CNTN5: variants seen among roughly 807,000 people sequenced by gnomAD.
CNTN5 encodes the protein contactin-5.
A neutral mutation model predicts 129.1 loss-of-function variants in CNTN5; 77 were observed. That is an observed-to-expected ratio of 0.60 (90% CI 0.50 to 0.72). CNTN5 has a LOEUF of 0.72. Among genes scored for constraint, CNTN5 ranks in the 30% least tolerant of loss-of-function variants. CNTN5 has a pLI of 0.00. For missense variants in CNTN5, 1,478 were observed against 1,328.8 expected (o/e 1.11, Z -1.75); for synonymous variants, 509 against 465.6 (o/e 1.09, Z -1.20).
intron 1 of CNTN5, among the ~76,000 whole-genome samples, chr11:99,070,826 A>G (rs889570684): frequency 6.6e-6 from 1 of 152,114 alleles, no homozygotes; most frequent in Admixed American, 6.6e-5. Flanking sequence ...AGAGAACATC[A>G]AAAAGAAGTT....
chr11:100,014,821 G>A (rs1376584891), intron 9 of CNTN5, among the ~76,000 whole-genome samples: 1 of 151,836 alleles, frequency 6.6e-6, no homozygotes, highest in African/African-American at 2.4e-5. Context: ...TCTTAATTTA[G>A]CCTATTTGAT....
intron 1 of CNTN5, among the ~76,000 whole-genome samples, chr11:99,148,647 C>A (rs1343718672): frequency 6.6e-6 from 1 of 152,122 alleles, no homozygotes; most frequent in Non-Finnish European, 1.5e-5. Context: ...AGATTATACT[C>A]TTAAGTTAGC....
chr11:99,440,228 A>T (rs1422740413), intron 2 of CNTN5, among the ~76,000 whole-genome samples: 1 of 152,100 alleles, frequency 6.6e-6, no homozygotes, highest in Non-Finnish European at 1.5e-5. Flanking sequence ...AATTAAGTTT[A>T]TTGGGATACT....
intron 20 of CNTN5, among the ~76,000 whole-genome samples, chr11:100,300,297 T>G (rs1172389775): frequency 6.6e-6 from 1 of 151,456 alleles, no homozygotes; most frequent in Non-Finnish European, 1.5e-5. Flanking sequence ...TAAAGTTAGC[T>G]TTTCCTCTTA....
At chr11:99,390,920 C>A (rs1941225435) in intron 2 of CNTN5, among the ~76,000 whole-genome samples, 1 of 151,850 alleles carries the variant, frequency 6.6e-6, no homozygotes, top group South Asian at 2.1e-4. Flanking sequence ...AATAAAACAA[C>A]TTTTATATTT....
intron 1 of CNTN5, among the ~76,000 whole-genome samples, chr11:99,037,321 C>G (rs1041603170): frequency 7.9e-5 from 12 of 152,120 alleles, no homozygotes; most frequent in Middle Eastern, 3.2e-3. Flanking sequence ...CATTTCTTTG[C>G]TCTAAAAGCT....
intron 1 of CNTN5, among the ~76,000 whole-genome samples, chr11:99,129,447 G>A (rs1858819343): frequency 6.6e-6 from 1 of 152,020 alleles, no homozygotes; most frequent in Non-Finnish European, 1.5e-5. Flanking sequence ...AAACCTCTGA[G>A]AACTATGGGA....
At chr11:99,638,816 C>T (rs1951661174) in intron 3 of CNTN5, among the ~76,000 whole-genome samples, 1 of 152,164 alleles carries the variant, frequency 6.6e-6, no homozygotes, top group Admixed American at 6.5e-5. Context: ...CTCCCAGCTG[C>T]TTTCACGGGC....
At position 99,303,968 on chromosome 11, in the gene CNTN5, TG is replaced by T. The variant is rs530124651; in HGVS notation, c.-209-21373del. On this transcript the variant is annotated intron_variant, in intron 1 of 24. Transcript: ENST00000524871. ...TAATCTCCTCAGCATGGCCTTCATC[TG>T]GGGGTGGTCCTTCAGAAGTTTCTTC... is the stretch of plus-strand genomic sequence containing the variant. Among the ~76,000 whole-genome samples, 20 of 152,268 alleles carry T rather than the reference TG, an allele frequency of 1.3e-4. 1 individual carries two copies. The East Asian group carries it at 2.3e-3, about 18-fold the overall frequency.
rs1248259376 is a variant in CNTN5 at position 100,255,839 on chromosome 11, T to C, written c.2085T>C (p.Ala695=). 2 of 1,613,810 alleles carry C rather than the reference T, an allele frequency of 1.2e-6. No individual in the cohort carries two copies. Among genetic ancestry groups the C allele is most frequent in the Non-Finnish European group, 1.7e-6 (2 of 1,179,876 alleles). The change falls in exon 17 of 25, where the codon GCT becomes GCC. Residue 695 remains alanine, a synonymous_variant. Coordinates refer to ENST00000524871, the MANE Select transcript of CNTN5 (RefSeq NM_014361.4). ...STATLSWSPA[A]DNHSPISSYN... ...CCACACTGTCCTGGAGCCCAGCAGC[T>C]GACAACCACAGCCCAATCTCCTCCT...
chr11:99,247,453 T>TTTA (rs111433002), intron 1 of CNTN5, among the ~76,000 whole-genome samples: 4,015 of 150,440 alleles, frequency 0.027, 161 homozygotes, highest in African/African-American at 0.081. Flanking sequence ...CTACATTTCT[T>TTTA]TTATTATTAT....
chr11:100,309,657 A>G (rs1289927577), intron 21 of CNTN5: 1 of 984,126 alleles, frequency 1.0e-6, no homozygotes, highest in Non-Finnish European at 1.2e-6. Flanking sequence ...GATAATATAT[A>G]TATTTGGCCC....
chr11:100,125,933 A>G (rs1209257431), intron 13 of CNTN5, among the ~76,000 whole-genome samples: 3 of 152,016 alleles, frequency 2.0e-5, no homozygotes, highest in Non-Finnish European at 2.9e-5. Flanking sequence ...TTTGAGGTAG[A>G]TATGCAGCAC....
intron 9 of CNTN5, among the ~76,000 whole-genome samples, chr11:100,028,727 A>G (rs1186283319): frequency 6.6e-6 from 1 of 152,194 alleles, no homozygotes; most frequent in Non-Finnish European, 1.5e-5. Flanking sequence ...TCTGCTTACA[A>G]TATATATTGT....
chr11:100,005,812 G>T (rs1427827880), intron 9 of CNTN5, among the ~76,000 whole-genome samples: 2 of 152,042 alleles, frequency 1.3e-5, no homozygotes, highest in Non-Finnish European at 2.9e-5. Context: ...TATAATAATG[G>T]TTTGAGGGAC....
intron 21 of CNTN5, among the ~76,000 whole-genome samples, chr11:100,330,401 T>C (rs1951881721): frequency 6.6e-6 from 1 of 152,200 alleles, no homozygotes; most frequent in Non-Finnish European, 1.5e-5. Flanking sequence ...TTTGAAAACA[T>C]ACTTGAGGGA....
intron 3 of CNTN5, among the ~76,000 whole-genome samples, chr11:99,791,740 A>G (rs1008580015): frequency 2.6e-5 from 4 of 152,158 alleles, no homozygotes; most frequent in Non-Finnish European, 4.4e-5. Flanking sequence ...GATTATTCCT[A>G]TAAGAGTGGA....
At chr11:100,161,482 C>T (rs1035127983) in intron 13 of CNTN5, among the ~76,000 whole-genome samples, 2 of 151,796 alleles carry the variant, frequency 1.3e-5, no homozygotes, top group African/African-American at 4.8e-5. Flanking sequence ...GTAGAGTATA[C>T]TGAAAGATAT....
intron 1 of CNTN5, among the ~76,000 whole-genome samples, chr11:99,273,832 C>T (rs1336891573): frequency 1.3e-5 from 2 of 150,856 alleles, no homozygotes; most frequent in African/African-American, 4.9e-5. Flanking sequence ...ATCTTCAAAG[C>T]CTACAAGATA....
Sources: gnomAD v4.1 joint callset for allele counts (sites outside exome capture counted in the v4.1 genomes callset) on GRCh38, gnomAD v4.1.1 for gene constraint, MANE v1.5 for transcripts, NCBI Gene and HGNC (gene_info 2026-07-23, HGNC 2026-07-21) for gene names.